CDH12: variants seen among roughly 807,000 people sequenced by gnomAD.
CDH12 encodes the protein cadherin 12, also known as cadherin-12.
In CDH12, 41 loss-of-function variants were observed where a neutral mutation model predicts 74.1. That is an observed-to-expected ratio of 0.55 (90% CI 0.43 to 0.72). CDH12 has a LOEUF of 0.72. Among genes scored for constraint, CDH12 ranks in the 30% least tolerant of loss-of-function variants. The pLI, the probability that CDH12 is intolerant of heterozygous loss-of-function variation, is 0.00. For synonymous variants in CDH12, 399 were observed against 355.0 expected, an observed-to-expected ratio of 1.12 and a Z score of -1.39; for missense variants, 945 against 977.2, an observed-to-expected ratio of 0.97 and a Z score of 0.44.
intron 1 of CDH12, among the ~76,000 whole-genome samples, chr5:22,533,378 T>A (rs1269739301): frequency 6.6e-6 from 1 of 152,190 alleles, no homozygotes; most frequent in Non-Finnish European, 1.5e-5. Context: ...ATGCAACTGT[T>A]GTCATAATAT....
At chr5:22,082,049 A>G (rs1742766305) in intron 4 of CDH12, among the ~76,000 whole-genome samples, 1 of 152,188 alleles carries the variant, frequency 6.6e-6, no homozygotes, top group Non-Finnish European at 1.5e-5. Flanking sequence ...CAATCTGAAC[A>G]CATCTCTGTT....
chr5:21,827,409 G>A (rs566797188), intron 8 of CDH12, among the ~76,000 whole-genome samples: 4 of 152,178 alleles, frequency 2.6e-5, no homozygotes, highest in South Asian at 2.1e-4. Context: ...AGGTCATTAG[G>A]AGATGTGACA....
Position 22,619,579 on chromosome 5 carries a change from A to G in CDH12, c.-522-114215T>C, listed in dbSNP as rs142889576. Among the ~76,000 whole-genome samples the G allele has an allele frequency of 3.6e-3, 548 of 152,108 alleles. 1 individual carries two copies. The highest frequency in any genetic ancestry group is 0.01 in the African/African-American group (423 of 41,516). On this transcript the variant is annotated intron_variant, in intron 1 of 14. Coordinates refer to ENST00000382254, the MANE Select transcript of CDH12 (RefSeq NM_004061.5). ...ATTTTTTTAAATCTATTTTATGATAAGACATAAAACTCATTTGCCTTGTCT... is the reference window on the plus strand; with the variant it reads ...ATTTTTTTAAATCTATTTTATGATAGGACATAAAACTCATTTGCCTTGTCT...
intron 1 of CDH12, among the ~76,000 whole-genome samples, chr5:22,749,361 C>A (rs368641461): frequency 6.6e-6 from 1 of 152,158 alleles, no homozygotes; most frequent in Non-Finnish European, 1.5e-5. Context: ...GAATGCTTTA[C>A]TAAGGTGGGG....
chr5:22,624,094 G>A (rs1475908101), intron 1 of CDH12, among the ~76,000 whole-genome samples: 2 of 152,224 alleles, frequency 1.3e-5, no homozygotes, highest in South Asian at 2.1e-4. Flanking sequence ...AATGGTACTG[G>A]GAAAACTGGC....
At chr5:21,809,644 T>A (rs1487775785) in intron 9 of CDH12, among the ~76,000 whole-genome samples, 1 of 152,164 alleles carries the variant, frequency 6.6e-6, no homozygotes, top group Non-Finnish European at 1.5e-5. Context: ...TTACATGCTA[T>A]GTGAGTAAAA....
rs185858581 is a variant in CDH12, at chr5:21,886,951, A to G, written c.527-32161T>C. On this transcript the variant is annotated intron_variant, in intron 6 of 14. Coordinates refer to ENST00000382254, the MANE Select transcript of CDH12 (RefSeq NM_004061.5). The stretch of plus-strand genomic sequence containing the variant: ...TGGGGCCGTGAGAGTCATGGAGACA[A>G]TAGTCTCTGGTTAGTTTCCTCTAGT... Among the ~76,000 whole-genome samples the G allele has an allele frequency of 4.0e-3, 614 of 152,230 alleles. 6 individuals are homozygous for G. The highest frequency in any genetic ancestry group is 4.0e-3 in the Non-Finnish European group (271 of 68,008).
intron 1 of CDH12, among the ~76,000 whole-genome samples, chr5:22,670,231 C>T (rs1740835954): frequency 6.6e-6 from 1 of 152,026 alleles, no homozygotes; most frequent in Non-Finnish European, 1.5e-5. Flanking sequence ...GTTGCCCAGG[C>T]TGGTCTCAAA....
chr5:22,061,326 G>A (rs1454458041), intron 5 of CDH12, among the ~76,000 whole-genome samples: 1 of 152,088 alleles, frequency 6.6e-6, no homozygotes, highest in Non-Finnish European at 1.5e-5. Flanking sequence ...AACATATATA[G>A]TTAGTACCTT....
intron 5 of CDH12, among the ~76,000 whole-genome samples, chr5:22,054,260 T>C (rs1192700984): frequency 1.3e-5 from 2 of 152,170 alleles, no homozygotes. Context: ...CTTCACCTAC[T>C]CATATTCTAT....
chr5:22,557,692 TA>T (rs1485867737), intron 1 of CDH12, among the ~76,000 whole-genome samples: 2 of 152,070 alleles, frequency 1.3e-5, no homozygotes, highest in African/African-American at 4.8e-5. Flanking sequence ...ATTGTGCAAT[TA>T]CCTACAATGA....
chr5:22,027,961 A>C (rs1738499349), intron 5 of CDH12, among the ~76,000 whole-genome samples: 1 of 151,712 alleles, frequency 6.6e-6, no homozygotes, highest in Non-Finnish European at 1.5e-5. Context: ...TAGTGCTATA[A>C]ATTTCCCTCT....
intron 3 of CDH12, among the ~76,000 whole-genome samples, chr5:22,286,385 T>C (rs979897771): frequency 2.0e-5 from 3 of 152,182 alleles, no homozygotes; most frequent in Non-Finnish European, 4.4e-5. Flanking sequence ...GCACCTAAAG[T>C]AGATGGGCCA....
chr5:22,367,610 T>C (rs1355938576), intron 3 of CDH12, among the ~76,000 whole-genome samples: 2 of 152,224 alleles, frequency 1.3e-5, no homozygotes, highest in African/African-American at 4.8e-5. Flanking sequence ...CAAGTATTTC[T>C]GTACTTAATG....
intron 7 of CDH12, among the ~76,000 whole-genome samples, chr5:21,849,266 C>T (rs115842054): frequency 0.022 from 3,292 of 151,766 alleles, 56 homozygotes; most frequent in Non-Finnish European, 0.037. Context: ...CACATCCCTC[C>T]GGAATATTTT....
chr5:22,480,931 A>G (rs1427043235), intron 2 of CDH12, among the ~76,000 whole-genome samples: 1 of 152,256 alleles, frequency 6.6e-6, no homozygotes, highest in East Asian at 1.9e-4. Context: ...ATATTTTTCC[A>G]GCAAGAAATT....
chr5:22,170,357 A>G (rs1318610197), intron 4 of CDH12, among the ~76,000 whole-genome samples: 3 of 151,880 alleles, frequency 2.0e-5, no homozygotes. Flanking sequence ...CTGACTTTTC[A>G]CATTTCACAT....
Position 21,902,230 on chromosome 5 carries a change from GCT to G in CDH12, c.527-47442_527-47441del, listed in dbSNP as rs375754938. ...TGTTACTAGTAAACCAAATTGAGGT[GCT>G]CTCTCTCTCTCTACATATATGTATA... On this transcript the variant is annotated intron_variant, in intron 6 of 14. Transcript: ENST00000382254. 7.9e-3 allele frequency among the ~76,000 whole-genome samples: 1,189 copies of G among 149,920 alleles called. 19 individuals are homozygous for G. Among genetic ancestry groups the G allele is most frequent in the African/African-American group, 0.027 (1,114 of 41,010 alleles).
chr5:22,712,301 C>A (rs546509410), intron 1 of CDH12, among the ~76,000 whole-genome samples: 68 of 152,062 alleles, frequency 4.5e-4, no homozygotes, highest in Admixed American at 1.4e-3. Flanking sequence ...CTTCTGCTCC[C>A]AAATCAGTAT....
Sources: allele counts gnomAD v4.1 joint callset (sites outside exome capture counted in the v4.1 genomes callset), GRCh38; gene constraint gnomAD v4.1.1; transcripts MANE v1.5; gene names NCBI Gene and HGNC (gene_info 2026-07-23, HGNC 2026-07-21).